GPD2: variants seen among roughly 807,000 people sequenced by gnomAD.
GPD2 encodes the protein glycerol-3-phosphate dehydrogenase 2.
GPD2 carries 54 observed loss-of-function variants against 82.4 expected under a neutral mutation model. The observed-to-expected ratio is 0.66, with a 90% CI of 0.53 to 0.82. The LOEUF is 0.82. GPD2 is among the 40% of genes least tolerant of loss of function. The probability of loss-of-function intolerance (pLI) is 0.00; values close to 1 mark genes in which losing one functional copy is unlikely to be tolerated. For synonymous variants in GPD2, 288 were observed against 306.1 expected, an observed-to-expected ratio of 0.94 and a Z score of 0.62; for missense variants, 748 against 896.2, an observed-to-expected ratio of 0.83 and a Z score of 2.11.
chr2:156,510,972 A>T, intron 4 of GPD2, 52 bp downstream of exon 4: 1 of 1,552,972 alleles, frequency 6.4e-7, no homozygotes. Flanking sequence ...GCTTTTTTCT[A>T]CCCAATTAAA....
intron 6 of GPD2, among the ~76,000 whole-genome samples, chr2:156,534,264 A>G (rs576531550): frequency 2.6e-5 from 4 of 151,920 alleles, no homozygotes; most frequent in Admixed American, 2.6e-4. Flanking sequence ...CTGCTGTGCC[A>G]CTCTTCTGCT....
chr2:156,445,024 C>A (rs1449254087), intron 1 of GPD2, among the ~76,000 whole-genome samples: 3 of 152,230 alleles, frequency 2.0e-5, no homozygotes, highest in Non-Finnish European at 2.9e-5. Flanking sequence ...GCTGGGATTA[C>A]AGGCATGAGC....
chr2:156,490,635 G>T (rs1002741811), intron 2 of GPD2, among the ~76,000 whole-genome samples: 3 of 152,102 alleles, frequency 2.0e-5, no homozygotes, highest in African/African-American at 7.2e-5. Flanking sequence ...TGTCAGAGTG[G>T]TATAGTAGTG....
At chr2:156,432,911 C>T (rs967410358), upstream of GPD2, among the ~76,000 whole-genome samples, 38 of 152,250 alleles carry the variant, frequency 2.5e-4, no homozygotes, top group African/African-American at 8.4e-4. Flanking sequence ...CACCTTTTTC[C>T]TTCTGTGTCC....
the GPD2 span, among the ~76,000 whole-genome samples, chr2:156,407,735 C>T: frequency 1.3e-5 from 2 of 152,092 alleles, no homozygotes; most frequent in Admixed American, 6.6e-5. Flanking sequence ...TGAATGAATG[C>T]CATTTTGTTC....
chr2:156,428,858 G>A, the GPD2 span, among the ~76,000 whole-genome samples: 4 of 152,180 alleles, frequency 2.6e-5, no homozygotes, highest in African/African-American at 7.2e-5. Context: ...TGCTGATAGA[G>A]GAGGAATGAA....
chr2:156,458,863 A>G (rs1474554036), intron 1 of GPD2, among the ~76,000 whole-genome samples: 1 of 152,168 alleles, frequency 6.6e-6, no homozygotes, highest in Non-Finnish European at 1.5e-5. Flanking sequence ...GACATCTAGA[A>G]AATAATGCAC....
intron 1 of GPD2, among the ~76,000 whole-genome samples, chr2:156,472,585 G>A (rs1047003801): frequency 1.3e-5 from 2 of 152,150 alleles, no homozygotes; most frequent in African/African-American, 4.8e-5. Context: ...GCCTCCCAAA[G>A]TGCTGGGATT....
At chr2:156,461,415 G>A (rs1014859636) in intron 1 of GPD2, among the ~76,000 whole-genome samples, 3 of 152,114 alleles carry the variant, frequency 2.0e-5, no homozygotes, top group Admixed American at 1.3e-4. Flanking sequence ...TTGAGACAGG[G>A]TCTCACTTTG....
In GPD2 at chr2:156,569,555, A is replaced by G. The variant is rs752958084; in HGVS notation, c.1476+17A>G. ...GAAAGCGAGGTGAGTGTGCATTGCC[A>G]CATCATCTTACTCTTTACCTAATCT... On this transcript the variant is annotated intron_variant, in intron 11 of 16. Transcript: ENST00000438166. The G allele has an allele frequency of 6.3e-7, 1 of 1,582,386 alleles. No homozygotes were observed. Among genetic ancestry groups the G allele is most frequent in the South Asian group, 1.1e-5 (1 of 90,458 alleles).
intron 1 of GPD2, among the ~76,000 whole-genome samples, chr2:156,473,170 C>T (rs1465961126): frequency 1.3e-5 from 2 of 151,956 alleles, no homozygotes; most frequent in Non-Finnish European, 2.9e-5. Context: ...AATAATGAGC[C>T]CTCAAGCATA....
the GPD2 span, among the ~76,000 whole-genome samples, chr2:156,426,010 C>T: frequency 1.5e-3 from 229 of 151,764 alleles, no homozygotes; most frequent in African/African-American, 5.4e-3. Context: ...GCAAGCTCCG[C>T]CTCCCCGGTT....
At chr2:156,488,616 A>ATT (rs202232484) in intron 2 of GPD2, among the ~76,000 whole-genome samples, 1 of 146,042 alleles carries the variant, frequency 6.8e-6, no homozygotes, top group Non-Finnish European at 1.5e-5. Flanking sequence ...AATGTCTAGG[A>ATT]TTTTTTTTTT....
chr2:156,495,147 G>A (rs1558927242), intron 2 of GPD2, among the ~76,000 whole-genome samples: 2 of 151,962 alleles, frequency 1.3e-5, no homozygotes, highest in Admixed American at 1.3e-4. Flanking sequence ...CTAGGAGTTC[G>A]AGACCACGCT....
intron 1 of GPD2, among the ~76,000 whole-genome samples, chr2:156,465,699 C>T (rs1683130104): frequency 6.6e-6 from 1 of 152,042 alleles, no homozygotes; most frequent in South Asian, 2.1e-4. Flanking sequence ...GATTCTGTAA[C>T]AGCATGTAAA....
At chr2:156,544,046 A>C (rs1252626189) in intron 6 of GPD2, among the ~76,000 whole-genome samples, 1 of 152,170 alleles carries the variant, frequency 6.6e-6, no homozygotes, top group African/African-American at 2.4e-5. Context: ...GATAACCACA[A>C]ACGTGAATGG....
chr2:156,526,226 A>C (rs1346307290), intron 6 of GPD2, among the ~76,000 whole-genome samples: 1 of 152,118 alleles, frequency 6.6e-6, no homozygotes. Flanking sequence ...CACACTTTCA[A>C]ATTATTTTTC....
intron 6 of GPD2, among the ~76,000 whole-genome samples, chr2:156,516,261 G>C (rs1226170111): frequency 6.6e-6 from 1 of 152,054 alleles, no homozygotes; most frequent in Non-Finnish European, 1.5e-5. Context: ...TTGCATTCAG[G>C]CTTCTTGAAA....
chr2:156,444,904 C>T (rs1213945050), intron 1 of GPD2, among the ~76,000 whole-genome samples: 1 of 152,108 alleles, frequency 6.6e-6, no homozygotes, highest in Non-Finnish European at 1.5e-5. Context: ...TGTGTGCCAC[C>T]ATGCCTGGCT....
Sources: allele counts gnomAD v4.1 joint callset (sites outside exome capture counted in the v4.1 genomes callset), GRCh38; gene constraint gnomAD v4.1.1; transcripts MANE v1.5; gene names NCBI Gene and HGNC (gene_info 2026-07-23, HGNC 2026-07-21).